The following PPARGC1A variants were observed in gnomAD, a reference collection of about 807,000 sequenced individuals.
PPARGC1A encodes the protein peroxisome proliferator-activated receptor gamma coactivator 1-alpha.
PPARGC1A carries 25 observed loss-of-function variants against 88.7 expected under a neutral mutation model. The observed-to-expected ratio is 0.28, with a 90% CI of 0.21 to 0.39. The LOEUF is 0.39. PPARGC1A is among the 10% of genes least tolerant of loss of function. The probability of loss-of-function intolerance (pLI) is 1.00; values close to 1 mark genes in which losing one functional copy is unlikely to be tolerated. For synonymous variants in PPARGC1A, 363 were observed against 355.6 expected (o/e 1.02, Z -0.24); for missense variants, 880 against 968.7 (o/e 0.91, Z 1.22).
At chr4:24,217,901 G>A in the PPARGC1A span, among the ~76,000 whole-genome samples, 65 of 152,210 alleles carry the variant, frequency 4.3e-4, no homozygotes, top group South Asian at 1.0e-3. Context: ...GATTCCCCCC[G>A]ATTTTTAGCT....
intron 2 of PPARGC1A, among the ~76,000 whole-genome samples, chr4:23,845,728 G>A (rs1728198634): frequency 6.6e-6 from 1 of 152,178 alleles, no homozygotes. Context: ...AGAGCAACGG[G>A]TTGTCAATAA....
chr4:23,910,663 C>G, the PPARGC1A span, among the ~76,000 whole-genome samples: 50 of 151,288 alleles, frequency 3.3e-4, no homozygotes, highest in Non-Finnish European at 6.5e-4. Context: ...TGGTCTTGAA[C>G]TGCTGACCTC....
chr4:24,222,509 T>C, the PPARGC1A span, among the ~76,000 whole-genome samples: 2 of 152,238 alleles, frequency 1.3e-5, no homozygotes, highest in African/African-American at 4.8e-5. Flanking sequence ...CAATGCCACA[T>C]ACAAATGTCT....
At chr4:24,317,724 C>A in the PPARGC1A span, among the ~76,000 whole-genome samples, 1,201 of 151,996 alleles carry the variant, frequency 7.9e-3, 7 homozygotes, top group Non-Finnish European at 0.011. Context: ...CTGTTCTCCA[C>A]AGCCCCAGCC....
the PPARGC1A span, among the ~76,000 whole-genome samples, chr4:23,968,158 T>C: frequency 4.7e-3 from 711 of 152,290 alleles, 3 homozygotes; most frequent in African/African-American, 0.016. Flanking sequence ...TAAGCCCCAC[T>C]GTCCTCAAGC....
At chr4:24,214,824 A>G in the PPARGC1A span, among the ~76,000 whole-genome samples, 1 of 152,242 alleles carries the variant, frequency 6.6e-6, no homozygotes. Flanking sequence ...ATATGTAAGT[A>G]GAAAAGCAAA....
chr4:24,396,262 C>T, the PPARGC1A span, among the ~76,000 whole-genome samples: 1 of 152,152 alleles, frequency 6.6e-6, no homozygotes, highest in Non-Finnish European at 1.5e-5. Context: ...ATGGGGGCGG[C>T]TCAGAGGCAG....
At chr4:24,101,829 C>A in the PPARGC1A span, among the ~76,000 whole-genome samples, 1 of 152,158 alleles carries the variant, frequency 6.6e-6, no homozygotes, top group Non-Finnish European at 1.5e-5. Context: ...TCGAAAAGCA[C>A]AAATTAAATA....
intron 1 of PPARGC1A, chr4:23,899,133 C>T (rs1181911364): frequency 6.6e-6 from 1 of 152,284 alleles, no homozygotes; most frequent in Non-Finnish European, 1.5e-5. Flanking sequence ...AGGTGTGAGC[C>T]ACCGCGCCTA....
chr4:24,002,089 CA>C, the PPARGC1A span, among the ~76,000 whole-genome samples: 2 of 136,840 alleles, frequency 1.5e-5, no homozygotes, highest in Admixed American at 7.4e-5. Flanking sequence ...CACACACACA[CA>C]CACACACAGA....
chr4:24,034,163 C>T, the PPARGC1A span, among the ~76,000 whole-genome samples: 5 of 152,170 alleles, frequency 3.3e-5, no homozygotes, highest in African/African-American at 1.2e-4. Flanking sequence ...GTCCTAATGC[C>T]TTTTTCTTTC....
the PPARGC1A span, among the ~76,000 whole-genome samples, chr4:24,182,285 T>C: frequency 6.6e-6 from 1 of 152,236 alleles, no homozygotes; most frequent in Non-Finnish European, 1.5e-5. Flanking sequence ...CTGAGAATGA[T>C]GGCTTCCAGC....
the PPARGC1A span, among the ~76,000 whole-genome samples, chr4:24,167,687 G>C: frequency 6.6e-6 from 1 of 152,106 alleles, no homozygotes; most frequent in Admixed American, 6.6e-5. Context: ...ACCAAAAAGA[G>C]TACAACTTGC....
chr4:24,027,670 G>A, the PPARGC1A span, among the ~76,000 whole-genome samples: 1 of 152,132 alleles, frequency 6.6e-6, no homozygotes, highest in Non-Finnish European at 1.5e-5. Flanking sequence ...TCAGTGAAAT[G>A]CTGAGAGAAT....
At chr4:24,067,706 G>T in the PPARGC1A span, among the ~76,000 whole-genome samples, 1 of 152,134 alleles carries the variant, frequency 6.6e-6, no homozygotes, top group African/African-American at 2.4e-5. Context: ...ACTGATCAAG[G>T]GGTCCAGGAT....
At chr4:24,126,918 C>G in the PPARGC1A span, among the ~76,000 whole-genome samples, 70 of 152,208 alleles carry the variant, frequency 4.6e-4, no homozygotes, top group African/African-American at 1.5e-3. Context: ...CTTCCCAGAC[C>G]CACACATCAC....
At chr4:24,192,980 C>T in the PPARGC1A span, among the ~76,000 whole-genome samples, 1 of 152,014 alleles carries the variant, frequency 6.6e-6, no homozygotes, top group Non-Finnish European at 1.5e-5. Context: ...ATTAGAAATG[C>T]TGTTTTTTTC....
At chr4:24,116,591 G>A in the PPARGC1A span, among the ~76,000 whole-genome samples, 1,879 of 152,308 alleles carry the variant, frequency 0.012, 43 homozygotes, top group African/African-American at 0.042. Flanking sequence ...GAAGCTGATT[G>A]TGAGCACAAT....
At chr4:23,824,567 C>A in intron 5 of PPARGC1A, 59 bp from the exon 6 acceptor site, 1 of 1,390,188 alleles carries the variant, frequency 7.2e-7, no homozygotes, top group South Asian at 1.3e-5. Context: ...GATTTCTTTT[C>A]TCTCCACAAC....
Sources: allele counts gnomAD v4.1 joint callset (sites outside exome capture counted in the v4.1 genomes callset), GRCh38; gene constraint gnomAD v4.1.1; transcripts MANE v1.5; gene names NCBI Gene and HGNC (gene_info 2026-07-23, HGNC 2026-07-21).